Variants in ANK1 observed in about 807,000 individuals in gnomAD.
The protein encoded by ANK1 is ankyrin 1, also known as ankyrin-1.
Under a neutral mutation model 210.4 loss-of-function variants are expected in ANK1, and 51 were observed. That is an observed-to-expected ratio of 0.24 (90% CI 0.19 to 0.31). ANK1 has a LOEUF of 0.31. Among genes scored for constraint, ANK1 ranks in the 10% least tolerant of loss-of-function variants. The pLI, the probability that ANK1 is intolerant of heterozygous loss-of-function variation, is 1.00. For synonymous variants in ANK1, 967 were observed against 1,025.9 expected (o/e 0.94, Z 1.10); for missense variants, 2,051 against 2,504.4 (o/e 0.82, Z 3.86).
Position 41,692,730 on chromosome 8 carries a change from T to C in ANK1, c.3776A>G (p.Tyr1259Cys). Residue 1259 changes from tyrosine (Y) to cysteine (C), a missense_variant, in exon 31 of 43, where the codon TAC (tyrosine) becomes TGC (cysteine). Tyr to Cys is a radical substitution (Grantham distance 194, BLOSUM62 -2). This residue lies in a region of ANK1 where 1,413 missense variants were observed against 1,707.4 expected (regional missense o/e 0.83). Coordinates refer to ENST00000289734, the MANE Select transcript of ANK1 (RefSeq NM_000037.4). ...GTCCACTTTATCATCTGTCATGCAG[T>C]AGCAGCGCAGGCGCCCCTCTCGGGG... ...NDPREGRLRC[Y>C]CMTDDKVDKT... is the part of the protein sequence containing the mutation. The C allele has an allele frequency of 6.2e-7, 1 of 1,613,974 alleles. No individual in the cohort carries two copies. The highest frequency in any genetic ancestry group is 8.5e-7 in the Non-Finnish European group (1 of 1,179,994).
At chr8:41,673,803 G>C (rs2150564761) in intron 37 of ANK1, among the ~76,000 whole-genome samples, 1 of 152,338 alleles carries the variant, frequency 6.6e-6, no homozygotes, top group African/African-American at 2.4e-5. Context: ...GCCTCTGTGG[G>C]TGGGAGAAGA....
intron 2 of ANK1, among the ~76,000 whole-genome samples, chr8:41,744,518 G>T (rs1162315115): frequency 1.3e-5 from 2 of 150,086 alleles, no homozygotes; most frequent in Non-Finnish European, 3.0e-5. Context: ...GGAGTGGGGA[G>T]GGAGCATGAT....
chr8:41,740,462 C>G (rs1586615647), intron 2 of ANK1, among the ~76,000 whole-genome samples: 1 of 151,994 alleles, frequency 6.6e-6, no homozygotes, highest in Non-Finnish European at 1.5e-5. Flanking sequence ...GCCCAATTGC[C>G]TGCTTGTTAT....
At chr8:41,696,863 CG>C in intron 24 of ANK1, 90 bp from the exon 25 acceptor site, 1 of 1,260,732 alleles carries the variant, frequency 7.9e-7, no homozygotes, top group South Asian at 1.3e-5. Flanking sequence ...AGAACCTTGC[CG>C]CTAGAAACCA....
At position 41,714,227 on chromosome 8, in the gene ANK1, C is replaced by A. The variant is rs375918344; in HGVS notation, c.1729G>T (p.Val577Phe). 1 of 1,538,904 alleles carries A rather than the reference C, an allele frequency of 6.5e-7. No individual in the cohort carries two copies. The highest frequency in any genetic ancestry group is 8.8e-7 in the Non-Finnish European group (1 of 1,133,558). ...KNGLTPLHVAVHHNNLDIVKL... is the reference protein window; with the variant it reads ...KNGLTPLHVAFHHNNLDIVKL... ...ACGATGTCCAGGTTGTTGTGATGGACGGCCACGTGCAGGGGGGTCAGGCCA... is the reference window on the plus strand; with the variant it reads ...ACGATGTCCAGGTTGTTGTGATGGAAGGCCACGTGCAGGGGGGTCAGGCCA... The change falls in exon 16 of 43, where the codon GTC becomes TTC. Residue 577 changes from valine to phenylalanine, a missense_variant. Val to Phe is a conservative substitution (Grantham distance 50). Transcript: ENST00000289734.
chr8:41,746,178 C>T (rs576541624), intron 2 of ANK1, among the ~76,000 whole-genome samples: 1 of 152,332 alleles, frequency 6.6e-6, no homozygotes, highest in East Asian at 1.9e-4. Context: ...GGGGCCATAC[C>T]ACCTGCAGCC....
intron 1 of ANK1, among the ~76,000 whole-genome samples, chr8:41,887,294 G>C (rs1446547934): frequency 8.1e-6 from 1 of 123,672 alleles, no homozygotes; most frequent in African/African-American, 3.3e-5. Context: ...TGTCACCCAA[G>C]CTGGAGTGCT....
At chr8:41,695,727 G>A (rs1175711160) in intron 26 of ANK1, among the ~76,000 whole-genome samples, 7 of 152,236 alleles carry the variant, frequency 4.6e-5, no homozygotes, top group Non-Finnish European at 7.3e-5. Context: ...AAACGTCAAC[G>A]AGAAAACTTG....
chr8:41,770,652 A>G (rs1842808045), intron 1 of ANK1, among the ~76,000 whole-genome samples: 1 of 152,358 alleles, frequency 6.6e-6, no homozygotes, highest in South Asian at 2.1e-4. Flanking sequence ...AGTTCTCAGA[A>G]CTGCCAAGAA....
At chr8:41,684,712 G>C (rs1417291445) in intron 36 of ANK1, 22 bp from the exon 37 acceptor site, 1 of 1,612,050 alleles carries the variant, frequency 6.2e-7, no homozygotes, top group Admixed American at 1.7e-5. Flanking sequence ...GAAGAGAGAT[G>C]CACGTTACTC....
chr8:41,802,323 T>C (rs934992646), upstream of ANK1, among the ~76,000 whole-genome samples: 1 of 152,202 alleles, frequency 6.6e-6, no homozygotes, highest in Non-Finnish European at 1.5e-5. Flanking sequence ...GGTCTTTAAA[T>C]CCACTTGACT....
chr8:41,696,270 C>T, intron 26 of ANK1, 93 bp downstream of exon 26: 1 of 1,410,448 alleles, frequency 7.1e-7, no homozygotes, highest in Non-Finnish European at 1.0e-6. Flanking sequence ...GGGAGGGGCA[C>T]CCAGTTCTGT....
chr8:41,753,597 C>T (rs1201859177), intron 2 of ANK1, among the ~76,000 whole-genome samples: 1 of 152,128 alleles, frequency 6.6e-6, no homozygotes, highest in Non-Finnish European at 1.5e-5. Flanking sequence ...CATGAATGTA[C>T]TGCATGACAC....
intron 2 of ANK1, among the ~76,000 whole-genome samples, chr8:41,754,535 T>C (rs1301300159): frequency 6.6e-6 from 1 of 152,226 alleles, no homozygotes; most frequent in East Asian, 1.9e-4. Context: ...GTGTTACTTA[T>C]GTAAGGATAA....
chr8:41,856,991 G>A (rs1048425730), intron 1 of ANK1, among the ~76,000 whole-genome samples: 1 of 145,866 alleles, frequency 6.9e-6, no homozygotes, highest in Non-Finnish European at 1.5e-5. Context: ...AGGCTTCCCT[G>A]CCTCAGTCTC....
chr8:41,868,388 G>T (rs1814872271), intron 1 of ANK1, among the ~76,000 whole-genome samples: 1 of 152,176 alleles, frequency 6.6e-6, no homozygotes, highest in Non-Finnish European at 1.5e-5. Context: ...GTCCCCTGGG[G>T]CGGTGGGGAA....
chr8:41,696,399 A>G lies in ANK1; in HGVS notation c.2924T>C (p.Ile975Thr), dbSNP rs1228486713. ...TGCCCCCGTGGGCCCCAGTGCTATGATCCTGCTGGCCAGGCCCTCCTCCTC... is the reference window on the plus strand; with the variant it reads ...TGCCCCCGTGGGCCCCAGTGCTATGGTCCTGCTGGCCAGGCCCTCCTCCTC... ...LAEEEGLASR[I>T]IALGPTGAQF... is the part of the protein sequence containing the mutation. The change falls in exon 26 of 43, where the codon ATC becomes ACC. Residue 975 changes from isoleucine (I) to threonine (T), a missense_variant. Ile to Thr is a moderately conservative substitution (Grantham distance 89). Around this residue, in one of 6 missense-constraint regions of ANK1, gnomAD observed 1,413 missense variants for 1,707.4 expected, o/e 0.83. Transcript: ENST00000289734. The G allele has an allele frequency of 6.2e-7, 1 of 1,613,388 alleles. No individual in the cohort carries two copies. Among genetic ancestry groups the G allele is most frequent in the African/African-American group, 1.3e-5 (1 of 75,058 alleles).
At position 41,888,462 on chromosome 8, in the gene ANK1, G is replaced by A. The variant is rs530379717; in HGVS notation, c.126+7893C>T. Among the ~76,000 whole-genome samples the A allele has an allele frequency of 5.3e-5, 8 of 152,366 alleles. No homozygotes were observed. In the East Asian group the frequency reaches 1.5e-3, roughly 29 times the overall value. On this transcript the variant is annotated intron_variant, in intron 1 of 42. Transcript: ENST00000265709. The stretch of plus-strand genomic sequence containing the variant: ...GCCAGGAGAGAGCTGCGGAGCAAGA[G>A]CCAGCCAGGCTCATCCATTCACACC...
At chr8:41,703,450 A>ATATATATATTTTT (rs59985416) in intron 20 of ANK1, among the ~76,000 whole-genome samples, 2 of 58,818 alleles carry the variant, frequency 3.4e-5, no homozygotes, top group African/African-American at 1.8e-4. Flanking sequence ...ATATATATAT[A>ATATATATATTTTT]TTTTTTTTTT....
Sources: gnomAD v4.1 joint callset for allele counts (sites outside exome capture counted in the v4.1 genomes callset) on GRCh38, gnomAD v4.1.1 for gene constraint, gnomAD v4.1.1 regional missense constraint, MANE v1.5 for transcripts, NCBI Gene and HGNC (gene_info 2026-07-23, HGNC 2026-07-21) for gene names.